CENPH: variants seen among roughly 807,000 people sequenced by gnomAD.
The protein encoded by CENPH is CENP-H.
Under a neutral mutation model 42.9 loss-of-function variants are expected in CENPH, and 40 were observed. The ratio of observed to expected loss-of-function variants is 0.93; its 90% CI spans 0.72 to 1.21. The LOEUF (loss-of-function observed/expected upper bound fraction) is 1.21, where lower values mean the gene tolerates loss of function less well. Ranked by LOEUF, CENPH falls within the 50% of genes most tolerant of loss-of-function variation. The pLI, the probability that CENPH is intolerant of heterozygous loss-of-function variation, is 0.00. For missense variants in CENPH, 302 were observed against 292.9 expected (o/e 1.03, Z -0.23); for synonymous variants, 88 against 96.5 (o/e 0.91, Z 0.52).
In CENPH at chr5:69,189,609, G is replaced by C. The variant is rs750490810; in HGVS notation, c.-26G>C. ...TTTTCTGAGCGCGTTTGCCTGTTGAGTGGTAGCCTTTCCCCTCAACCAGCA... is the reference window on the plus strand; with the variant it reads ...TTTTCTGAGCGCGTTTGCCTGTTGACTGGTAGCCTTTCCCCTCAACCAGCA... On this transcript the variant is annotated 5_prime_UTR_variant, in exon 1 of 9. Transcript: ENST00000283006. 16 of 1,578,332 alleles carry C rather than the reference G, an allele frequency of 1.0e-5. No individual in the cohort carries two copies. Among genetic ancestry groups the C allele is most frequent in the Admixed American group, 1.8e-5 (1 of 56,002 alleles).
In CENPH at chr5:69,209,710, C is replaced by G. The variant is rs781057393; in HGVS notation, c.655C>G (p.Leu219Val). The change falls in exon 9 of 9, where the codon CTT becomes GTT. Residue 219 changes from leucine (L) to valine (V), a missense_variant. Transcript: ENST00000283006. ...TTVIQHVFQN[L>V]ILGSKVNWAE... Reference sequence around the variant, plus strand: ...AAACAATTTTTTTTCTTTACAGAACCTTATTTTGGGGAGTAAAGTCAATTG... The same window carrying G: ...AAACAATTTTTTTTCTTTACAGAACGTTATTTTGGGGAGTAAAGTCAATTG... The G allele has an allele frequency of 1.9e-6, 3 of 1,565,328 alleles. No individual in the cohort carries two copies. Among genetic ancestry groups the G allele is most frequent in the African/African-American group, 2.7e-5 (2 of 73,360 alleles).
Position 69,190,452 on chromosome 5 carries a change from T to C in CENPH, c.134+684T>C, listed in dbSNP as rs142669060. ...CAGTTTTATTGGAGTACAACTTTCCTGCCACAAGGGTGGAATTGAGTAGCT... is the reference window on the plus strand; with the variant it reads ...CAGTTTTATTGGAGTACAACTTTCCCGCCACAAGGGTGGAATTGAGTAGCT... On this transcript the variant is annotated intron_variant, in intron 1 of 8. Coordinates refer to ENST00000283006, the MANE Select transcript of CENPH (RefSeq NM_022909.4). Among the ~76,000 whole-genome samples the C allele has an allele frequency of 1.2e-3, 180 of 152,322 alleles. 2 individuals are homozygous for C. The East Asian group carries it at 0.03, about 25-fold the overall frequency.
Position 69,194,645 on chromosome 5 carries a change from A to T in CENPH, c.191-2A>T, listed in dbSNP as rs1390382768. 4.5e-6 allele frequency: 7 copies of T among 1,561,028 alleles called. No homozygotes were observed. Among genetic ancestry groups the T allele is most frequent in the Non-Finnish European group, 6.1e-6 (7 of 1,143,628 alleles). ...TAACTTCAAAAAATTATTTATTTGC[A>T]GGTGAAGAAAAAACTCCAGAACAAA... On this transcript the variant is annotated splice_acceptor_variant, in intron 2 of 8. Transcript: ENST00000283006. LOFTEE classifies it high-confidence loss of function.
rs761847985 is a variant in CENPH at position 69,202,954 on chromosome 5, TAGAA to T, written c.476_479del (p.Lys159ArgfsTer5). ...ATTTAGAGGAAAAACTGCTTGATAT[TAGAA>T]AGAAGAGATTGCGTATGTAGAACAC... On this transcript the variant is annotated frameshift_variant, in exon 7 of 9. Coordinates refer to ENST00000283006, the MANE Select transcript of CENPH (RefSeq NM_022909.4). LOFTEE classifies it high-confidence loss of function. 7 of 1,592,998 alleles carry T rather than the reference TAGAA, an allele frequency of 4.4e-6. No individual in the cohort carries two copies. Among genetic ancestry groups the T allele is most frequent in the Non-Finnish European group, 6.0e-6 (7 of 1,167,572 alleles).
chr5:69,208,143 C>T (rs1361685068), intron 7 of CENPH, 53 bp from the exon 8 acceptor site: 1 of 918,242 alleles, frequency 1.1e-6, no homozygotes, highest in Non-Finnish European at 1.6e-6. Flanking sequence ...TTTCAAGATC[C>T]TTGTTTATAG....
chr5:69,201,687 C>T (rs1234431844), intron 5 of CENPH, among the ~76,000 whole-genome samples: 1 of 152,074 alleles, frequency 6.6e-6, no homozygotes, highest in Admixed American at 6.6e-5. Flanking sequence ...AGGGAGACCC[C>T]GTCTCTACAA....
intron 5 of CENPH, among the ~76,000 whole-genome samples, chr5:69,199,058 G>A (rs895528547): frequency 3.3e-5 from 5 of 152,196 alleles, no homozygotes; most frequent in African/African-American, 1.2e-4. Flanking sequence ...CCTGTTGCTT[G>A]CTGCACAGAA....
chr5:69,209,684 A>C (rs1171673283), intron 8 of CENPH, 23 bp from the exon 9 acceptor site: 2 of 1,307,160 alleles, frequency 1.5e-6, no homozygotes. Context: ...TTGTAACTTT[A>C]AAACAATTTT....
Position 69,205,417 on chromosome 5 carries a change from G to C in CENPH, c.487+2447G>C, listed in dbSNP as rs1280945081. 2.0e-5 allele frequency among the ~76,000 whole-genome samples: 3 copies of C among 151,238 alleles called. No homozygotes were observed. The East Asian group carries it at 5.9e-4, about 30-fold the overall frequency. On this transcript the variant is annotated intron_variant, in intron 7 of 8. Transcript: ENST00000283006. The stretch of plus-strand genomic sequence containing the variant: ...ATTTTTGTATTTTTAGTAGATACAG[G>C]GTTTCACCATGTTGTCCAGGCTGGT...
chr5:69,208,153 G>T, intron 7 of CENPH, 43 bp from the exon 8 acceptor site: 1 of 992,066 alleles, frequency 1.0e-6, no homozygotes, highest in Non-Finnish European at 1.5e-6. Flanking sequence ...CTTGTTTATA[G>T]AGGTATTATA....
intron 5 of CENPH, among the ~76,000 whole-genome samples, chr5:69,197,806 A>G (rs1328808712): frequency 1.3e-5 from 2 of 151,348 alleles, no homozygotes; most frequent in African/African-American, 4.8e-5. Context: ...GTATAATAAT[A>G]ATAAAATTTT....
rs563365879 is a variant in CENPH, at chr5:69,206,264, C to T, written c.488-1932C>T. Among the ~76,000 whole-genome samples the T allele has an allele frequency of 4.6e-5, 7 of 151,292 alleles. No homozygotes were observed. The East Asian group carries it at 1.4e-3, about 30-fold the overall frequency. ...ATGGCGTGATCTCGGCTCACTGCAC[C>T]TCCGCCTCTCAGGTTCAAGCGATTC... is the stretch of plus-strand genomic sequence containing the variant. On this transcript the variant is annotated intron_variant, in intron 7 of 8. Coordinates refer to ENST00000283006, the MANE Select transcript of CENPH (RefSeq NM_022909.4).
At chr5:69,193,288 G>C (rs563259352) in intron 2 of CENPH, among the ~76,000 whole-genome samples, 1 of 151,990 alleles carries the variant, frequency 6.6e-6, no homozygotes, top group South Asian at 2.1e-4. Context: ...GGTACAATTT[G>C]ATGAGTTTTG....
chr5:69,209,922 A>T lies in CENPH; in HGVS notation c.*123A>T, dbSNP rs1222922204. 7.3e-6 allele frequency: 4 copies of T among 549,552 alleles called. No individual in the cohort carries two copies. Among genetic ancestry groups the T allele is most frequent in the Non-Finnish European group, 1.3e-5 (4 of 313,484 alleles). The allele number at this position is 549,552 out of a possible 1,614,324, so 34.0% of individuals were successfully genotyped here. ...GCATATCCATAACGTTTACAGTTGT[A>T]GTACAGTTGTGGTTAGTTATTTGTA... On this transcript the variant is annotated 3_prime_UTR_variant, in exon 9 of 9. Transcript: ENST00000283006.
intron 3 of CENPH, among the ~76,000 whole-genome samples, chr5:69,195,460 T>C (rs1747948704): frequency 6.6e-6 from 1 of 152,192 alleles, no homozygotes; most frequent in Non-Finnish European, 1.5e-5. Context: ...AAGTTGTTAA[T>C]TTGGGATGGA....
At position 69,196,747 on chromosome 5, in the gene CENPH, C is replaced by A. The variant is rs1747970238; in HGVS notation, c.315-306C>A. ...ATCCTGATCTTTGTAGTGCCTTAAT[C>A]CTTCCAGTGGCTTTGCACAAAAGTA... On this transcript the variant is annotated intron_variant, in intron 4 of 8. Coordinates refer to ENST00000283006, the MANE Select transcript of CENPH (RefSeq NM_022909.4). 3.9e-5 allele frequency among the ~76,000 whole-genome samples: 6 copies of A among 152,260 alleles called. No homozygotes were observed. The South Asian group carries it at 1.0e-3, about 26-fold the overall frequency.
At chr5:69,201,064 A>C (rs1748053538) in intron 5 of CENPH, among the ~76,000 whole-genome samples, 1 of 151,404 alleles carries the variant, frequency 6.6e-6, no homozygotes. Flanking sequence ...GAGCTCAAGC[A>C]ATCCTCCTGC....
Position 69,208,334 on chromosome 5 carries a change from C to T in CENPH, c.626C>T (p.Thr209Ile), listed in dbSNP as rs763458354. 3 of 1,595,970 alleles carry T rather than the reference C, an allele frequency of 1.9e-6. No individual in the cohort carries two copies. The highest frequency in any genetic ancestry group is 2.6e-6 in the Non-Finnish European group (3 of 1,166,802). The change falls in exon 8 of 9, where the codon ACT becomes ATT. Residue 209 changes from threonine (T) to isoleucine (I), a missense_variant. By Grantham distance (89) the Thr-to-Ile change is moderately conservative (BLOSUM62 -1). Transcript: ENST00000283006. ...AACCTACAGATGGAGATAAAAATTA[C>T]TACTGTTATTCAACATGTGTTCCAG... Reference protein sequence around the residue: ...RQNLQMEIKITTVIQHVFQNL... With the variant: ...RQNLQMEIKIITVIQHVFQNL...
intron 5 of CENPH, among the ~76,000 whole-genome samples, chr5:69,202,221 T>C (rs1748071187): frequency 6.6e-6 from 1 of 152,244 alleles, no homozygotes; most frequent in Non-Finnish European, 1.5e-5. Context: ...GTGTTTCCTC[T>C]CTAAATATGA....
Sources: allele counts gnomAD v4.1 joint callset (sites outside exome capture counted in the v4.1 genomes callset), GRCh38; gene constraint gnomAD v4.1.1; transcripts MANE v1.5; gene names NCBI Gene and HGNC (gene_info 2026-07-23, HGNC 2026-07-21).